DLGAP1: variants seen among roughly 807,000 people sequenced by gnomAD.
The protein encoded by DLGAP1 is DLG associated protein 1, also known as disks large-associated protein 1.
In DLGAP1, 11 loss-of-function variants were observed where a neutral mutation model predicts 90.8. That is an observed-to-expected ratio of 0.12 (90% CI 0.08 to 0.20). The LOEUF (loss-of-function observed/expected upper bound fraction) is 0.20, where lower values mean the gene tolerates loss of function less well. Ranked by LOEUF, DLGAP1 falls within the 10% of genes least tolerant of loss-of-function variation. The probability of loss-of-function intolerance (pLI) is 1.00; values close to 1 mark genes in which losing one functional copy is unlikely to be tolerated. For missense variants in DLGAP1, 1,050 were observed against 1,333.8 expected (o/e 0.79, Z 3.31); for synonymous variants, 558 against 540.7 (o/e 1.03, Z -0.44).
At chr18:3,617,962 G>A (rs961468981) in intron 7 of DLGAP1, among the ~76,000 whole-genome samples, 4 of 150,794 alleles carry the variant, frequency 2.7e-5, no homozygotes, top group Non-Finnish European at 4.4e-5. Context: ...GTTTGAACCC[G>A]GGAGGCGGAG....
intron 1 of DLGAP1, among the ~76,000 whole-genome samples, chr18:4,317,553 A>G (rs1293761864): frequency 2.0e-5 from 3 of 152,180 alleles, no homozygotes; most frequent in African/African-American, 7.2e-5. Context: ...AAGGAAACAT[A>G]TGTTTTCCAG....
intron 1 of DLGAP1, among the ~76,000 whole-genome samples, chr18:4,191,714 A>G (rs1490691287): frequency 6.6e-6 from 1 of 152,146 alleles, no homozygotes; most frequent in Non-Finnish European, 1.5e-5. Flanking sequence ...TTCAGCTTCA[A>G]TGTAACTCCT....
At chr18:4,108,373 T>C (rs7506855) in intron 2 of DLGAP1, among the ~76,000 whole-genome samples, 63,040 of 152,006 alleles carry the variant, frequency 0.41, 13,277 homozygotes, top group South Asian at 0.5. Context: ...TCCTGGGGCT[T>C]TGGGTCTCCT....
chr18:3,779,174 G>A (rs935908380), intron 5 of DLGAP1, among the ~76,000 whole-genome samples: 1 of 152,104 alleles, frequency 6.6e-6, no homozygotes, highest in Non-Finnish European at 1.5e-5. Flanking sequence ...CTCCTGTCCT[G>A]TCTCCCTGTA....
Position 3,497,370 on chromosome 18 carries a change from A to C in DLGAP1, c.*1815T>G, listed in dbSNP as rs1463634491. ...TGGTTCGTTGGTTTCAAAATAAGTG[A>C]GTAGCCCTTTTCTTGTAAACCACAG... On this transcript the variant is annotated 3_prime_UTR_variant, in exon 13 of 13. Transcript: ENST00000315677. The C allele has an allele frequency of 6.6e-6, 1 of 152,214 alleles. No individual in the cohort carries two copies. The highest frequency in any genetic ancestry group is 1.5e-5 in the Non-Finnish European group (1 of 68,036). 9.4% of individuals were successfully genotyped at this position (152,214 alleles called of 1,614,324 possible).
At chr18:4,003,436 TG>T (rs1179571703) in intron 3 of DLGAP1, among the ~76,000 whole-genome samples, 9 of 84,926 alleles carry the variant, frequency 1.1e-4, no homozygotes, top group African/African-American at 2.3e-4. Flanking sequence ...TTAATATCAT[TG>T]TTTTTTTTTT....
chr18:3,812,105 C>T (rs898860771), intron 5 of DLGAP1, among the ~76,000 whole-genome samples: 1 of 152,298 alleles, frequency 6.6e-6, no homozygotes, highest in East Asian at 1.9e-4. Context: ...GTTTAAGTGA[C>T]TTTCTTGCCC....
intron 3 of DLGAP1, among the ~76,000 whole-genome samples, chr18:3,979,125 C>G (rs2073666944): frequency 6.6e-6 from 1 of 152,164 alleles, no homozygotes; most frequent in African/African-American, 2.4e-5. Context: ...ATGAAATAAG[C>G]CACGCACAGA....
chr18:3,998,671 A>G (rs2074118006), intron 3 of DLGAP1, among the ~76,000 whole-genome samples: 1 of 152,138 alleles, frequency 6.6e-6, no homozygotes, highest in Non-Finnish European at 1.5e-5. Flanking sequence ...AAATTCAAGT[A>G]GAGGACTTTT....
intron 1 of DLGAP1, among the ~76,000 whole-genome samples, chr18:4,380,841 T>C (rs890006189): frequency 3.9e-5 from 6 of 152,156 alleles, no homozygotes; most frequent in African/African-American, 1.4e-4. Context: ...TCAGCCTCTC[T>C]TGAGATATGT....
intron 2 of DLGAP1, among the ~76,000 whole-genome samples, chr18:4,030,354 G>A (rs1016507232): frequency 6.6e-6 from 1 of 152,170 alleles, no homozygotes; most frequent in African/African-American, 2.4e-5. Flanking sequence ...ATCATATATG[G>A]CAGATGCACC....
chr18:4,382,972 T>C (rs1268974293), intron 1 of DLGAP1, among the ~76,000 whole-genome samples: 1 of 152,132 alleles, frequency 6.6e-6, no homozygotes, highest in African/African-American at 2.4e-5. Context: ...AGAATGTATA[T>C]AGGGCCAGCC....
chr18:4,076,292 A>G (rs2075522070), intron 2 of DLGAP1, among the ~76,000 whole-genome samples: 1 of 152,198 alleles, frequency 6.6e-6, no homozygotes, highest in Non-Finnish European at 1.5e-5. Context: ...GAACTGAGTT[A>G]AACACAGGTA....
At chr18:4,053,809 C>T (rs2075172794) in intron 2 of DLGAP1, among the ~76,000 whole-genome samples, 1 of 152,056 alleles carries the variant, frequency 6.6e-6, no homozygotes, top group Non-Finnish European at 1.5e-5. Context: ...GACTAATACA[C>T]CTTGTTTCTG....
At chr18:4,239,433 G>A (rs1472177052) in intron 1 of DLGAP1, among the ~76,000 whole-genome samples, 1 of 152,088 alleles carries the variant, frequency 6.6e-6, no homozygotes, top group East Asian at 1.9e-4. Context: ...TATTGAATAA[G>A]CAATTTTACC....
At chr18:4,298,696 C>T (rs1006768985) in intron 1 of DLGAP1, among the ~76,000 whole-genome samples, 11 of 151,910 alleles carry the variant, frequency 7.2e-5, no homozygotes, top group African/African-American at 4.8e-5. Flanking sequence ...GTGGGTGCAG[C>T]GCACCAGCAT....
intron 5 of DLGAP1, among the ~76,000 whole-genome samples, chr18:3,751,508 G>A (rs186352203): frequency 6.6e-6 from 1 of 150,852 alleles, no homozygotes; most frequent in Admixed American, 6.6e-5. Context: ...ATGTTGCCCT[G>A]GCTGGTCTTG....
At chr18:4,337,641 C>T (rs1448064000) in intron 1 of DLGAP1, among the ~76,000 whole-genome samples, 1 of 152,012 alleles carries the variant, frequency 6.6e-6, no homozygotes, top group Non-Finnish European at 1.5e-5. Context: ...GTGTCGGGAG[C>T]CAATTGTCAA....
At chr18:4,354,284 G>A (rs76866342) in intron 1 of DLGAP1, among the ~76,000 whole-genome samples, 3,215 of 152,136 alleles carry the variant, frequency 0.021, 74 homozygotes, top group African/African-American at 0.053. Flanking sequence ...AACCTAGAAC[G>A]ATTACTCTAA....
Sources: allele counts gnomAD v4.1 joint callset (sites outside exome capture counted in the v4.1 genomes callset), GRCh38; gene constraint gnomAD v4.1.1; transcripts MANE v1.5; gene names NCBI Gene and HGNC (gene_info 2026-07-23, HGNC 2026-07-21).